ANKRD36C: variants seen among roughly 807,000 people sequenced by gnomAD.
ANKRD36C encodes ankyrin repeat domain 36C.
In ANKRD36C, 61 loss-of-function variants were observed where a neutral mutation model predicts 276.4. The observed-to-expected ratio is 0.22, with a 90% CI of 0.18 to 0.27. ANKRD36C has a LOEUF of 0.27. ANKRD36C is among the 10% of genes least tolerant of loss of function. ANKRD36C has a pLI of 1.00. For synonymous variants in ANKRD36C, 483 were observed against 680.1 expected, an observed-to-expected ratio of 0.71 and a Z score of 4.51; for missense variants, 1,447 against 2,032.3, an observed-to-expected ratio of 0.71 and a Z score of 5.54.
chr2:95,897,129 C>A (rs1313099948), intron 44 of ANKRD36C, 141 bp downstream of exon 60: 443 of 1,081,668 alleles, frequency 4.1e-4, no homozygotes, highest in Middle Eastern at 6.1e-4. Context: ...TCATCACCCA[C>A]AAACTTATTT....
downstream of ANKRD36C, among the ~76,000 whole-genome samples, chr2:95,850,313 A>G (rs1266252912): frequency 6.6e-6 from 1 of 152,280 alleles, no homozygotes; most frequent in South Asian, 2.1e-4. Flanking sequence ...TATAATCTGA[A>G]AAAACAAACA....
chr2:95,967,890 C>A (rs1381089425), intron 6 of ANKRD36C, among the ~76,000 whole-genome samples: 2 of 151,990 alleles, frequency 1.3e-5, no homozygotes, highest in Non-Finnish European at 2.9e-5. Context: ...AAGTTTGAGA[C>A]CAGCCTGGCC....
intron 44 of ANKRD36C, chr2:95,893,560 T>C (rs766782762): frequency 1.7e-5 from 26 of 1,556,028 alleles, no homozygotes; most frequent in South Asian, 1.5e-4. Flanking sequence ...CCATCCTTTT[T>C]TTCTCTGGCT....
chr2:95,917,818 G>T (rs1387973293), intron 36 of ANKRD36C, 37 bp downstream of exon 38: 2 of 1,567,960 alleles, frequency 1.3e-6, no homozygotes, highest in South Asian at 1.2e-5. Context: ...TTTCTATCTG[G>T]ATTGAACGTG....
intron 6 of ANKRD36C, among the ~76,000 whole-genome samples, chr2:95,964,626 C>A (rs1293268050): frequency 2.0e-5 from 3 of 152,056 alleles, no homozygotes; most frequent in Non-Finnish European, 4.4e-5. Context: ...ACAAAAGCAG[C>A]CCCATGGCTT....
At chr2:95,962,699 A>G (rs1394444753) in intron 6 of ANKRD36C, among the ~76,000 whole-genome samples, 152 bp from the exon 7 acceptor site, 3 of 152,152 alleles carry the variant, frequency 2.0e-5, no homozygotes, top group Non-Finnish European at 4.4e-5. Flanking sequence ...CTGGAACATG[A>G]CAGAAATACA....
At chr2:95,873,098 A>G (rs1194658923) in intron 59 of ANKRD36C, among the ~76,000 whole-genome samples, 5 of 152,172 alleles carry the variant, frequency 3.3e-5, no homozygotes, top group Non-Finnish European at 7.3e-5. Context: ...ACAAGGAGGA[A>G]GTGATACCCT....
intron 34 of ANKRD36C, among the ~76,000 whole-genome samples, chr2:95,920,703 G>C (rs963087672): frequency 1.5e-5 from 2 of 136,554 alleles, no homozygotes; most frequent in African/African-American, 2.6e-5. Context: ...AGAAATCACT[G>C]CAATATTCAT....
intron 56 of ANKRD36C, 79 bp downstream of exon 76, chr2:95,882,223 C>T (rs1308431410): frequency 8.7e-6 from 13 of 1,500,150 alleles, no homozygotes; most frequent in Middle Eastern, 2.3e-4. Flanking sequence ...TCAATGAGCC[C>T]CCTGCTGATC....
At chr2:95,925,838 A>T (rs1430146611) in intron 28 of ANKRD36C, among the ~76,000 whole-genome samples, 1 of 151,660 alleles carries the variant, frequency 6.6e-6, no homozygotes, top group Non-Finnish European at 1.5e-5. Context: ...AATGATGAAA[A>T]GAAATGTGAT....
Position 95,912,400 on chromosome 2 carries a change from T to G in ANKRD36C, c.2580+7A>C, listed in dbSNP as rs1277798637. ...CTAGCTCACAATATGAATGAGAGTT[T>G]CATTACCTTCAAGGCTGGTTTTTTC... On this transcript the variant is annotated splice_region_variant and intron_variant, in intron 41 of 66. Coordinates refer to ENST00000456556, the Ensembl canonical transcript of ANKRD36C. 6.2e-7 allele frequency: 1 copy of G among 1,604,022 alleles called. No homozygotes were observed. Among genetic ancestry groups the G allele is most frequent in the African/African-American group, 1.3e-5 (1 of 74,572 alleles).
At chr2:95,908,526 T>C (rs1371698519) in intron 42 of ANKRD36C, 26 of 1,540,696 alleles carry the variant, frequency 1.7e-5, no homozygotes, top group East Asian at 2.4e-5. Context: ...TCTCCATGCT[T>C]TTTTCCTCTG....
chr2:95,921,519 C>A lies in ANKRD36C; in HGVS notation c.2245+88G>T, dbSNP rs140147028. The A allele has an allele frequency of 1.1e-3, 1,643 of 1,515,170 alleles. 22 individuals carry two copies. The African/African-American group carries it at 0.021, about 19-fold the overall frequency. The allele number at this position is 1,515,170 out of a possible 1,614,324, so 93.9% of individuals were successfully genotyped here. On this transcript the variant is annotated intron_variant, in intron 34 of 66. Transcript: ENST00000456556. ...GAATGTGCAGCTTCGGCGAGCCCCC[C>A]CACCTGCCCTCCACTGATTTATTCG...
chr2:95,908,416 A>G lies in ANKRD36C; in HGVS notation c.2653+3828T>C, dbSNP rs1409009384. 14 of 1,261,334 alleles carry G rather than the reference A, an allele frequency of 1.1e-5. No individual in the cohort carries two copies. The Admixed American group carries it at 3.5e-4, about 32-fold the overall frequency. The allele number at this position is 1,261,334 out of a possible 1,614,324, so 78.1% of individuals were successfully genotyped here. A position where few individuals can be genotyped will look rare whatever the true frequency, so the allele number is the denominator to read the frequency against. ...CTGCTGAATCAGAATGTGCAGCTTCAACGAGCCCCCCGCTGATTTATTCAC... is the reference window on the plus strand; with the variant it reads ...CTGCTGAATCAGAATGTGCAGCTTCGACGAGCCCCCCGCTGATTTATTCAC... On this transcript the variant is annotated intron_variant, in intron 42 of 66. Coordinates refer to ENST00000456556, the Ensembl canonical transcript of ANKRD36C.
chr2:95,920,981 G>A (rs112530275), intron 34 of ANKRD36C, among the ~76,000 whole-genome samples: 1 of 150,158 alleles, frequency 6.7e-6, no homozygotes, highest in Non-Finnish European at 1.5e-5. Context: ...TTCTAGCATT[G>A]TTTCCTGCTT....
At chr2:95,990,343 T>C (rs1679113042) in intron 1 of ANKRD36C, among the ~76,000 whole-genome samples, 1 of 152,216 alleles carries the variant, frequency 6.6e-6, no homozygotes, top group Non-Finnish European at 1.5e-5. Flanking sequence ...TTTTCGCCAT[T>C]ACTTGTAATT....
chr2:95,988,184 A>G (rs1320620907), intron 1 of ANKRD36C, among the ~76,000 whole-genome samples: 1 of 152,048 alleles, frequency 6.6e-6, no homozygotes, highest in Non-Finnish European at 1.5e-5. Flanking sequence ...TTTAAAACAA[A>G]GTAATTCTTA....
rs976889582 is a variant in ANKRD36C, at chr2:95,960,403, T to C, written c.1003+70A>G. On this transcript the variant is annotated intron_variant, in intron 10 of 66. Transcript: ENST00000456556. ...GCAGCTTCAATGAGCCCCCTGCTGA[T>C]TTATTCGGGGAAGGGAAGTTCTCCT... The C allele has an allele frequency of 6.6e-4, 1,008 of 1,523,520 alleles. 1 individual carries two copies. The highest frequency in any genetic ancestry group is 7.4e-4 in the Non-Finnish European group (835 of 1,132,406). The allele number at this position is 1,523,520 out of a possible 1,614,324, so 94.4% of individuals were successfully genotyped here. A position where few individuals can be genotyped will look rare whatever the true frequency, so the allele number is the denominator to read the frequency against.
intron 56 of ANKRD36C, among the ~76,000 whole-genome samples, chr2:95,881,117 C>A (rs1263959588): frequency 2.0e-5 from 3 of 152,200 alleles, no homozygotes; most frequent in Admixed American, 1.3e-4. Flanking sequence ...ATACACTTCA[C>A]GTGTCTTCAG....
Sources: allele counts gnomAD v4.1 joint callset (sites outside exome capture counted in the v4.1 genomes callset), GRCh38; gene constraint gnomAD v4.1.1; transcripts MANE v1.5; gene names NCBI Gene and HGNC (gene_info 2026-07-23, HGNC 2026-07-21).